Variants in PLSCR4 observed in about 807,000 individuals in gnomAD.
The protein encoded by PLSCR4 is Ca(2+)-dependent phospholipid scramblase 4.
PLSCR4 carries 25 observed loss-of-function variants against 36.3 expected under a neutral mutation model. That is an observed-to-expected ratio of 0.69 (90% CI 0.50 to 0.96). The LOEUF is 0.96. Among genes scored for constraint, PLSCR4 ranks in the 40% least tolerant of loss-of-function variants. The probability of loss-of-function intolerance (pLI) is 0.00; values close to 1 mark genes in which losing one functional copy is unlikely to be tolerated. For missense variants in PLSCR4, 408 were observed against 414.7 expected, an observed-to-expected ratio of 0.98 and a Z score of 0.14; for synonymous variants, 122 against 132.9, an observed-to-expected ratio of 0.92 and a Z score of 0.56.
At chr3:146,224,424 C>T (rs1046674515) in intron 1 of PLSCR4, among the ~76,000 whole-genome samples, 10 of 152,102 alleles carry the variant, frequency 6.6e-5, no homozygotes, top group Non-Finnish European at 1.5e-4. Flanking sequence ...ACTTCAAGAA[C>T]GAAGCCGCGG....
At chr3:146,208,554 A>C (rs1431228045) in intron 3 of PLSCR4, among the ~76,000 whole-genome samples, 1 of 152,174 alleles carries the variant, frequency 6.6e-6, no homozygotes, top group African/African-American at 2.4e-5. Context: ...AACGAACTCA[A>C]ACAAATTAGC....
At chr3:146,224,751 C>T (rs1415732615) in intron 1 of PLSCR4, among the ~76,000 whole-genome samples, 1 of 152,116 alleles carries the variant, frequency 6.6e-6, no homozygotes, top group African/African-American at 2.4e-5. Context: ...CCACACCCTG[C>T]TGATTGGTAG....
At position 146,246,381 on chromosome 3, in the gene PLSCR4, T is replaced by G. The variant is rs9875799; in HGVS notation, c.-22+4579A>C. Among the ~76,000 whole-genome samples the G allele has an allele frequency of 9.0e-4, 136 of 151,858 alleles. 1 individual carries two copies. In the East Asian group the frequency reaches 0.023, roughly 26 times the overall value. ...TGACTCCTTCAAAAGAAAAAGTGTATGGTAGAATATTTCATTCTTTTTAGC... is the reference window on the plus strand; with the variant it reads ...TGACTCCTTCAAAAGAAAAAGTGTAGGGTAGAATATTTCATTCTTTTTAGC... On this transcript the variant is annotated intron_variant, in intron 1 of 8. Coordinates refer to ENST00000354952, the MANE Select transcript of PLSCR4 (RefSeq NM_020353.3).
intron 3 of PLSCR4, among the ~76,000 whole-genome samples, chr3:146,213,666 G>T (rs1018990032): frequency 6.6e-6 from 1 of 152,004 alleles, no homozygotes; most frequent in African/African-American, 2.4e-5. Context: ...TTATTTTGTG[G>T]AAAAGTTTTA....
chr3:146,243,600 C>T (rs1454648812), intron 1 of PLSCR4, among the ~76,000 whole-genome samples: 1 of 152,140 alleles, frequency 6.6e-6, no homozygotes, highest in Non-Finnish European at 1.5e-5. Context: ...GATGAGGACA[C>T]TGTTAAAACT....
At chr3:146,213,120 G>C (rs900767061) in intron 3 of PLSCR4, among the ~76,000 whole-genome samples, 1 of 151,934 alleles carries the variant, frequency 6.6e-6, no homozygotes, top group Non-Finnish European at 1.5e-5. Context: ...CCTAAATCTG[G>C]TTTGCTAGTA....
chr3:146,199,498 T>G (rs2033926527), intron 6 of PLSCR4, among the ~76,000 whole-genome samples: 1 of 152,142 alleles, frequency 6.6e-6, no homozygotes, highest in Non-Finnish European at 1.5e-5. Flanking sequence ...TAGTGATAGG[T>G]ACGTACATTT....
At chr3:146,225,596 T>C (rs1398101623) in intron 1 of PLSCR4, among the ~76,000 whole-genome samples, 1 of 152,114 alleles carries the variant, frequency 6.6e-6, no homozygotes, top group Non-Finnish European at 1.5e-5. Flanking sequence ...CAGCTAAGGC[T>C]TGGTGAGAAA....
At chr3:146,230,647 A>G (rs774724463) in intron 1 of PLSCR4, among the ~76,000 whole-genome samples, 5 of 152,110 alleles carry the variant, frequency 3.3e-5, no homozygotes, top group Non-Finnish European at 7.4e-5. Context: ...AAGAGGTGGG[A>G]AAGTGGAGAG....
intron 6 of PLSCR4, among the ~76,000 whole-genome samples, chr3:146,197,687 T>C (rs2033821444): frequency 6.6e-6 from 1 of 152,174 alleles, no homozygotes; most frequent in Non-Finnish European, 1.5e-5. Context: ...TGTTTAATAA[T>C]AATGAGTCAT....
At chr3:146,219,408 A>T (rs1449492718) in intron 3 of PLSCR4, among the ~76,000 whole-genome samples, 2 of 152,176 alleles carry the variant, frequency 1.3e-5, no homozygotes, top group African/African-American at 4.8e-5. Context: ...ACATATAGAG[A>T]AACGATAGAT....
rs2033538729 is a variant in PLSCR4 at position 146,193,648 on chromosome 3, T to C, written c.*763A>G. ...TGCAAGCTTCATATAATGACACCAA[T>C]GTCTCTAAGTTGCTCAGAGATCTTG... is the stretch of plus-strand genomic sequence containing the variant. On this transcript the variant is annotated 3_prime_UTR_variant, in exon 9 of 9. Coordinates refer to ENST00000354952, the MANE Select transcript of PLSCR4 (RefSeq NM_020353.3). 1 of 152,208 alleles carries C rather than the reference T, an allele frequency of 6.6e-6. No individual in the cohort carries two copies. Among genetic ancestry groups the C allele is most frequent in the Admixed American group, 6.5e-5 (1 of 15,274 alleles). 9.4% of individuals were successfully genotyped at this position (152,208 alleles called of 1,614,324 possible).
chr3:146,229,629 ATTTATTT>A (rs1165352195), intron 1 of PLSCR4, among the ~76,000 whole-genome samples: 1 of 139,330 alleles, frequency 7.2e-6, no homozygotes, highest in African/African-American at 2.8e-5. Context: ...TTATTTATTT[ATTTATTT>A]ATTTATGAGA....
At chr3:146,231,963 T>G in intron 1 of PLSCR4, among the ~76,000 whole-genome samples, 1 of 152,190 alleles carries the variant, frequency 6.6e-6, no homozygotes, top group African/African-American at 2.4e-5. Flanking sequence ...GTCCTAGGTT[T>G]TCTTCTAGGG....
intron 6 of PLSCR4, among the ~76,000 whole-genome samples, chr3:146,199,013 T>A (rs2033896051): frequency 6.6e-6 from 1 of 152,142 alleles, no homozygotes; most frequent in South Asian, 2.1e-4. Context: ...GTACTATTAA[T>A]ATTTCCATTT....
At chr3:146,226,359 T>A (rs1398529) in intron 1 of PLSCR4, among the ~76,000 whole-genome samples, 113,569 of 152,106 alleles carry the variant, frequency 0.75, 42,746 homozygotes, top group South Asian at 0.81. Context: ...GTCTGTTGTT[T>A]GATTATATGT....
At position 146,199,987 on chromosome 3, in the gene PLSCR4, G is replaced by C. The variant is rs779035148; in HGVS notation, c.450C>G (p.Asp150Glu). 6.2e-7 allele frequency: 1 copy of C among 1,612,160 alleles called. No homozygotes were observed. Among genetic ancestry groups the C allele is most frequent in the African/African-American group, 1.3e-5 (1 of 74,984 alleles). The change falls in exon 6 of 9, where the codon GAC becomes GAG. Residue 150 changes from aspartate (D) to glutamate (E), a missense_variant. Physicochemically the swap from Asp to Glu is conservative, Grantham distance 45. Coordinates refer to ENST00000354952, the MANE Select transcript of PLSCR4 (RefSeq NM_020353.3). ...CTTCGGTTACAATGTAAACCATCTG[G>C]TCTGAGTTGTTTTTAATATCATATC... ...NNRYDIKNNS[D>E]QMVYIVTEDT...
chr3:146,223,259 A>T (rs1000210565), intron 1 of PLSCR4, among the ~76,000 whole-genome samples: 19 of 152,212 alleles, frequency 1.2e-4, no homozygotes, highest in Non-Finnish European at 2.2e-4. Context: ...CAGGCAAAAA[A>T]AAGGCTATTA....
chr3:146,200,946 T>A, intron 5 of PLSCR4, 89 bp downstream of exon 5: 2 of 797,668 alleles, frequency 2.5e-6, no homozygotes, highest in South Asian at 1.7e-5. Flanking sequence ...CACTAAAACA[T>A]GATCAATATA....
Sources: allele counts gnomAD v4.1 joint callset (sites outside exome capture counted in the v4.1 genomes callset), GRCh38; gene constraint gnomAD v4.1.1; transcripts MANE v1.5; gene names NCBI Gene and HGNC (gene_info 2026-07-23, HGNC 2026-07-21).